CAMK2D: variants seen among roughly 807,000 people sequenced by gnomAD.
CAMK2D encodes the protein calcium/calmodulin dependent protein kinase II delta.
A neutral mutation model predicts 84.0 loss-of-function variants in CAMK2D; 37 were observed. The ratio of observed to expected loss-of-function variants is 0.44; its 90% confidence interval spans 0.34 to 0.58. The LOEUF is 0.58. Among genes scored for constraint, CAMK2D ranks in the 20% least tolerant of loss-of-function variants. CAMK2D has a pLI of 0.02. For missense variants in CAMK2D, 448 were observed against 652.5 expected (o/e 0.69, Z 3.41); for synonymous variants, 202 against 212.5 (o/e 0.95, Z 0.43).
At chr4:113,512,128 T>C (rs1401333985) in intron 12 of CAMK2D, among the ~76,000 whole-genome samples, 1 of 152,184 alleles carries the variant, frequency 6.6e-6, no homozygotes, top group Admixed American at 6.5e-5. Context: ...GGCTGACAAG[T>C]GTTCCAAGTC....
chr4:113,612,905 T>G (rs1444951709), intron 3 of CAMK2D, among the ~76,000 whole-genome samples: 1 of 152,206 alleles, frequency 6.6e-6, no homozygotes, highest in East Asian at 1.9e-4. Context: ...GCATGTATTA[T>G]CACATTTGAA....
intron 2 of CAMK2D, chr4:113,754,619 T>C: frequency 1.0e-6 from 1 of 981,676 alleles, no homozygotes; most frequent in Non-Finnish European, 1.2e-6. Context: ...CCACTTTCTT[T>C]ATTTTCTTCA....
intron 3 of CAMK2D, among the ~76,000 whole-genome samples, chr4:113,628,781 AATG>A (rs901078910): frequency 4.6e-5 from 7 of 152,116 alleles, no homozygotes; most frequent in African/African-American, 1.7e-4. Context: ...TAGAAAATAA[AATG>A]ATATCAGTAT....
intron 6 of CAMK2D, among the ~76,000 whole-genome samples, chr4:113,540,389 C>A (rs1034976898): frequency 1.3e-5 from 2 of 152,176 alleles, no homozygotes; most frequent in African/African-American, 4.8e-5. Flanking sequence ...TTTCTATTTT[C>A]TAACACGAAT....
chr4:113,712,781 A>G (rs1188279058), intron 2 of CAMK2D, among the ~76,000 whole-genome samples: 1 of 152,052 alleles, frequency 6.6e-6, no homozygotes, highest in Non-Finnish European at 1.5e-5. Context: ...CCAAAAAGAA[A>G]AAAAAGGGAA....
In CAMK2D at chr4:113,504,224, T is replaced by C. The variant is rs181009841; in HGVS notation, c.1044+752A>G. Reference sequence around the variant, plus strand: ...ATGAAACAGTTTAGGGAAAATGTTATGGAACTCAGCACTGAATGACAGTAT... The same window carrying C: ...ATGAAACAGTTTAGGGAAAATGTTACGGAACTCAGCACTGAATGACAGTAT... On this transcript the variant is annotated intron_variant, in intron 14 of 20. Coordinates refer to ENST00000511664, the MANE Select transcript of CAMK2D (RefSeq NM_001321571.2). Among the ~76,000 whole-genome samples, 515 of 152,296 alleles carry C rather than the reference T, an allele frequency of 3.4e-3. 2 individuals carry two copies. The highest frequency in any genetic ancestry group is 0.011 in the African/African-American group (473 of 41,566).
chr4:113,626,631 T>C (rs995693601), intron 3 of CAMK2D, among the ~76,000 whole-genome samples: 2 of 152,118 alleles, frequency 1.3e-5, no homozygotes, highest in African/African-American at 2.4e-5. Context: ...TCAGGAAGTG[T>C]TGGTTCAGGC....
In CAMK2D at chr4:113,609,145, T is replaced by C; in HGVS notation, c.275+7A>G. ...GCAAAAATAATGAATACAGAGTATA[T>C]ACTTACAAATCAAACACCAAGTAGT... On this transcript the variant is annotated splice_region_variant and intron_variant, in intron 4 of 20. Transcript: ENST00000511664. The C allele has an allele frequency of 6.8e-7, 1 of 1,481,070 alleles. No homozygotes were observed. The highest frequency in any genetic ancestry group is 9.4e-7 in the Non-Finnish European group (1 of 1,058,792). 91.7% of individuals were successfully genotyped at this position (1,481,070 alleles called of 1,614,324 possible).
At chr4:113,606,450 G>C (rs1276678281) in intron 4 of CAMK2D, among the ~76,000 whole-genome samples, 1 of 150,306 alleles carries the variant, frequency 6.7e-6, no homozygotes, top group South Asian at 2.1e-4. Context: ...AGCCTGAATC[G>C]CACCACTGCA....
intron 4 of CAMK2D, among the ~76,000 whole-genome samples, chr4:113,582,773 G>A (rs751211505): frequency 3.4e-4 from 51 of 152,170 alleles, no homozygotes; most frequent in Non-Finnish European, 6.6e-4. Flanking sequence ...AAGCATCTCT[G>A]TACAGTATAT....
At chr4:113,600,312 A>T (rs2154259232) in intron 4 of CAMK2D, among the ~76,000 whole-genome samples, 1 of 152,284 alleles carries the variant, frequency 6.6e-6, no homozygotes, top group African/African-American at 2.4e-5. Flanking sequence ...GTACCAAAGT[A>T]GGTTTATACA....
intron 4 of CAMK2D, among the ~76,000 whole-genome samples, chr4:113,581,474 T>C (rs1379149226): frequency 1.4e-5 from 2 of 139,268 alleles, no homozygotes; most frequent in African/African-American, 2.8e-5. Flanking sequence ...GATCTTCCCA[T>C]TGCACTCCAG....
intron 2 of CAMK2D, among the ~76,000 whole-genome samples, chr4:113,697,965 C>T (rs2099407751): frequency 6.6e-6 from 1 of 152,086 alleles, no homozygotes; most frequent in Non-Finnish European, 1.5e-5. Flanking sequence ...TGTTCCTCAA[C>T]TTATTATAGA....
chr4:113,662,063 C>A (rs2099235524), intron 2 of CAMK2D, among the ~76,000 whole-genome samples: 1 of 152,152 alleles, frequency 6.6e-6, no homozygotes, highest in Non-Finnish European at 1.5e-5. Flanking sequence ...CTCATCTTTA[C>A]ATCAAGTATA....
chr4:113,719,458 C>T (rs1009219719), intron 2 of CAMK2D, among the ~76,000 whole-genome samples: 25 of 152,286 alleles, frequency 1.6e-4, no homozygotes, highest in South Asian at 4.1e-4. Context: ...TTCAGAGCAA[C>T]TTTTCTAAAT....
chr4:113,547,764 A>C, intron 5 of CAMK2D, 48 bp from the exon 6 acceptor site: 10 of 1,240,644 alleles, frequency 8.1e-6, no homozygotes, highest in Middle Eastern at 1.9e-4. Flanking sequence ...GCTTACACTC[A>C]CTGTCTGTAT....
intron 2 of CAMK2D, among the ~76,000 whole-genome samples, chr4:113,698,205 G>A (rs1039983543): frequency 1.2e-4 from 18 of 152,054 alleles, no homozygotes; most frequent in Non-Finnish European, 2.2e-4. Context: ...TAAAATGGTT[G>A]TATGGTTAAT....
chr4:113,492,101 T>C (rs890090822), intron 16 of CAMK2D, among the ~76,000 whole-genome samples: 1 of 152,148 alleles, frequency 6.6e-6, no homozygotes, highest in Admixed American at 6.5e-5. Flanking sequence ...AGCTCCTGGA[T>C]TCATTAATTT....
intron 2 of CAMK2D, among the ~76,000 whole-genome samples, chr4:113,746,052 G>A (rs986314376): frequency 4.6e-5 from 7 of 152,294 alleles, no homozygotes; most frequent in Middle Eastern, 6.8e-3. Context: ...TGCTAAATAA[G>A]CATTAGTGTT....
Sources: gnomAD v4.1 joint callset for allele counts (sites outside exome capture counted in the v4.1 genomes callset) on GRCh38, gnomAD v4.1.1 for gene constraint, MANE v1.5 for transcripts, NCBI Gene and HGNC (gene_info 2026-07-23, HGNC 2026-07-21) for gene names.